Variants in PAQR5 observed in about 807,000 individuals in gnomAD.
PAQR5 encodes the protein progestin and adipoQ receptor family member 5, also known as membrane progestin receptor gamma.
In PAQR5, 20 loss-of-function variants were observed where a neutral mutation model predicts 34.5. The ratio of observed to expected loss-of-function variants is 0.58; its 90% confidence interval spans 0.41 to 0.84. PAQR5 has a LOEUF of 0.84. Ranked by LOEUF, PAQR5 falls within the 40% of genes least tolerant of loss-of-function variation. The pLI is 0.00. For missense variants in PAQR5, 378 were observed against 412.7 expected, an observed-to-expected ratio of 0.92 and a Z score of 0.73; for synonymous variants, 131 against 155.6, an observed-to-expected ratio of 0.84 and a Z score of 1.18.
intron 1 of PAQR5, among the ~76,000 whole-genome samples, chr15:69,307,182 C>T (rs1231713181): frequency 6.6e-6 from 1 of 152,044 alleles, no homozygotes; most frequent in Non-Finnish European, 1.5e-5. Context: ...GCACCCTCCA[C>T]CTCCCGTTAT....
intron 1 of PAQR5, among the ~76,000 whole-genome samples, chr15:69,309,318 C>T (rs2053781190): frequency 1.3e-5 from 2 of 152,178 alleles, no homozygotes; most frequent in Admixed American, 1.3e-4. Context: ...AAGAGTGCTC[C>T]AGGCGCAGGG....
chr15:69,383,587 T>C (rs1444541392), intron 4 of PAQR5, among the ~76,000 whole-genome samples: 1 of 134,212 alleles, frequency 7.5e-6, no homozygotes, highest in Non-Finnish European at 1.6e-5. Flanking sequence ...TCTGTGCTCA[T>C]GGTGGAGGGT....
At chr15:69,381,360 T>TAA (rs2055880567) in intron 4 of PAQR5, among the ~76,000 whole-genome samples, 1 of 152,140 alleles carries the variant, frequency 6.6e-6, no homozygotes, top group Admixed American at 6.5e-5. Context: ...CTTACTTCCC[T>TAA]CCCTTGGAGA....
At chr15:69,352,091 G>A (rs1234039848) in intron 2 of PAQR5, among the ~76,000 whole-genome samples, 2 of 152,178 alleles carry the variant, frequency 1.3e-5, no homozygotes, top group Non-Finnish European at 2.9e-5. Flanking sequence ...AGATCCATTG[G>A]TGCTTGATGT....
At chr15:69,353,271 A>G (rs1173360197) in intron 2 of PAQR5, among the ~76,000 whole-genome samples, 2 of 152,334 alleles carry the variant, frequency 1.3e-5, no homozygotes, top group East Asian at 3.9e-4. Flanking sequence ...CCATCATGGA[A>G]GAGGCAGTGT....
intron 2 of PAQR5, among the ~76,000 whole-genome samples, chr15:69,356,359 C>T (rs1013574535): frequency 2.0e-5 from 3 of 152,128 alleles, no homozygotes; most frequent in Admixed American, 2.0e-4. Flanking sequence ...TACATCAGTA[C>T]TGTATTTTTT....
intron 1 of PAQR5, among the ~76,000 whole-genome samples, chr15:69,328,502 C>A (rs1177224677): frequency 6.6e-6 from 1 of 152,164 alleles, no homozygotes; most frequent in Non-Finnish European, 1.5e-5. Flanking sequence ...CCGTGTCCCT[C>A]CTGGAGGAGG....
intron 4 of PAQR5, chr15:69,380,334 G>A: frequency 4.0e-6 from 1 of 249,238 alleles, no homozygotes; most frequent in South Asian, 7.1e-5. Flanking sequence ...GGTCTTCCAG[G>A]AGCCCTGGTT....
intron 2 of PAQR5, among the ~76,000 whole-genome samples, chr15:69,345,464 G>A (rs2054744980): frequency 6.6e-6 from 1 of 152,108 alleles, no homozygotes; most frequent in Non-Finnish European, 1.5e-5. Context: ...CTGTGTTGGG[G>A]GATCTTTATG....
intron 2 of PAQR5, among the ~76,000 whole-genome samples, chr15:69,338,283 G>C (rs2054558453): frequency 6.6e-6 from 1 of 152,202 alleles, no homozygotes; most frequent in East Asian, 1.9e-4. Context: ...GTTGTTAGCT[G>C]TTCTTGAGGT....
intron 6 of PAQR5, among the ~76,000 whole-genome samples, chr15:69,394,912 C>G (rs2056373153): frequency 6.6e-6 from 1 of 152,210 alleles, no homozygotes; most frequent in Admixed American, 6.5e-5. Context: ...TTCTCTTTTC[C>G]CTCTAGACCC....
At chr15:69,345,432 C>A (rs2054743915) in intron 2 of PAQR5, among the ~76,000 whole-genome samples, 1 of 152,118 alleles carries the variant, frequency 6.6e-6, no homozygotes, top group African/African-American at 2.4e-5. Context: ...GGCCTAGTAT[C>A]CACAGAGTGT....
At chr15:69,361,515 A>G (rs2055230731) in intron 3 of PAQR5, among the ~76,000 whole-genome samples, 1 of 152,210 alleles carries the variant, frequency 6.6e-6, no homozygotes, top group Non-Finnish European at 1.5e-5. Flanking sequence ...GGTAATTTAT[A>G]AAGAAAAGAG....
chr15:69,346,175 G>A (rs556173869), intron 2 of PAQR5, among the ~76,000 whole-genome samples: 6 of 151,980 alleles, frequency 3.9e-5, no homozygotes, highest in Admixed American at 2.6e-4. Context: ...GGATTATGAC[G>A]GAAAGAAGCT....
intron 6 of PAQR5, among the ~76,000 whole-genome samples, chr15:69,390,835 T>TAA: frequency 6.6e-6 from 1 of 152,122 alleles, no homozygotes; most frequent in Non-Finnish European, 1.5e-5. Context: ...CACTGTTTTT[T>TAA]TTTTTTTTCT....
chr15:69,384,643 A>G (rs371036780), intron 4 of PAQR5, 34 bp from the exon 5 acceptor site: 9 of 1,515,374 alleles, frequency 5.9e-6, no homozygotes, highest in Non-Finnish European at 7.3e-6. Context: ...CTCTGTGTTC[A>G]TGGTGGAGGG....
intron 4 of PAQR5, among the ~76,000 whole-genome samples, chr15:69,384,418 CCG>C (rs2056042692): frequency 4.1e-5 from 4 of 97,900 alleles, no homozygotes; most frequent in East Asian, 3.4e-4. Flanking sequence ...AGCGGGCCCT[CCG>C]TGTTCATGGT....
At chr15:69,400,672 T>C (rs2056599676) in intron 8 of PAQR5, among the ~76,000 whole-genome samples, 1 of 151,802 alleles carries the variant, frequency 6.6e-6, no homozygotes, top group Non-Finnish European at 1.5e-5. Context: ...AGAGATCCTA[T>C]GTGAAGAGAA....
At position 69,324,244 on chromosome 15, in the gene PAQR5, C is replaced by T. The variant is rs564557820; in HGVS notation, c.-276-13097C>T. Among the ~76,000 whole-genome samples the T allele has an allele frequency of 2.0e-4, 30 of 152,154 alleles. No homozygotes were observed. The South Asian group carries it at 5.0e-3, about 25-fold the overall frequency. On this transcript the variant is annotated intron_variant, in intron 1 of 8. Transcript: ENST00000395407. The stretch of plus-strand genomic sequence containing the variant: ...TCCTCACACAGGGAGTGCCCATTTG[C>T]CACGGCTCCAGCCCAGGAGGTGGGT...
Sources: allele counts gnomAD v4.1 joint callset (sites outside exome capture counted in the v4.1 genomes callset), GRCh38; gene constraint gnomAD v4.1.1; transcripts MANE v1.5; gene names NCBI Gene and HGNC (gene_info 2026-07-23, HGNC 2026-07-21).